Variants in WDR77 observed in about 807,000 individuals in gnomAD.
WDR77 encodes WD repeat domain 77.
In WDR77, 31 loss-of-function variants were observed where a neutral mutation model predicts 44.0. The ratio of observed to expected loss-of-function variants is 0.70; its 90% CI spans 0.53 to 0.95. The LOEUF (loss-of-function observed/expected upper bound fraction) is 0.95, where lower values mean the gene tolerates loss of function less well. Ranked by LOEUF, WDR77 falls within the 40% of genes least tolerant of loss-of-function variation. WDR77 has a pLI of 0.00. For missense variants in WDR77, 390 were observed against 423.9 expected, an observed-to-expected ratio of 0.92 and a Z score of 0.70; for synonymous variants, 186 against 165.7, an observed-to-expected ratio of 1.12 and a Z score of -0.94.
intron 4 of WDR77, among the ~76,000 whole-genome samples, chr1:111,445,468 A>G (rs1652986902): frequency 6.6e-6 from 1 of 152,184 alleles, no homozygotes; most frequent in African/African-American, 2.4e-5. Context: ...TCTACCCTCA[A>G]AGGTTTTGGG....
At chr1:111,446,593 A>G (rs1227481788) in intron 4 of WDR77, among the ~76,000 whole-genome samples, 4 of 152,218 alleles carry the variant, frequency 2.6e-5, no homozygotes, top group Non-Finnish European at 4.4e-5. Flanking sequence ...TTGCTAGTGG[A>G]GAGATGAGTG....
At chr1:111,444,179 G>A in intron 4 of WDR77, 55 bp from the exon 5 acceptor site, 3 of 1,564,676 alleles carry the variant, frequency 1.9e-6, no homozygotes, top group Non-Finnish European at 2.6e-6. Context: ...AGCATTACTA[G>A]AGGGCCAGCC....
At chr1:111,445,226 G>T (rs544805447) in intron 4 of WDR77, among the ~76,000 whole-genome samples, 3 of 152,274 alleles carry the variant, frequency 2.0e-5, no homozygotes, top group Admixed American at 6.5e-5. Context: ...TAGAAGCTGT[G>T]GAAACCTTTT....
intron 8 of WDR77, 179 bp from the exon 9 acceptor site, chr1:111,442,272 G>T: frequency 1.6e-6 from 1 of 639,316 alleles, no homozygotes; most frequent in South Asian, 2.0e-5. Context: ...TGAGGGAAAT[G>T]AAGCAAAGTT....
intron 4 of WDR77, among the ~76,000 whole-genome samples, chr1:111,446,455 C>T (rs1019302909): frequency 6.6e-6 from 1 of 151,620 alleles, no homozygotes; most frequent in East Asian, 1.9e-4. Context: ...ATTTATCCCT[C>T]AAGAATGTCA....
intron 4 of WDR77, 45 bp from the exon 5 acceptor site, chr1:111,444,169 A>G: frequency 6.3e-7 from 1 of 1,595,710 alleles, no homozygotes; most frequent in Non-Finnish European, 8.6e-7. Context: ...AACAAGCTGA[A>G]GCATTACTAG....
intron 4 of WDR77, among the ~76,000 whole-genome samples, chr1:111,445,523 G>C (rs779383039): frequency 6.6e-6 from 1 of 152,184 alleles, no homozygotes; most frequent in Non-Finnish European, 1.5e-5. Flanking sequence ...CACTTTGGGA[G>C]GCCAAGGCAG....
Position 111,441,122 on chromosome 1 carries a change from T to G in WDR77, c.*108A>C. The G allele has an allele frequency of 1.7e-6, 2 of 1,202,454 alleles. No homozygotes were observed. The highest frequency in any genetic ancestry group is 2.2e-6 in the Non-Finnish European group (2 of 916,476). The allele number at this position is 1,202,454 out of a possible 1,614,324, so 74.5% of individuals were successfully genotyped here. A position where few individuals can be genotyped will look rare whatever the true frequency, so the allele number is the denominator to read the frequency against. ...ACGATGCCTATTAACGGCACAGATCTAGCATATCAACATACTATAGAAGGC... is the reference window on the plus strand; with the variant it reads ...ACGATGCCTATTAACGGCACAGATCGAGCATATCAACATACTATAGAAGGC... On this transcript the variant is annotated 3_prime_UTR_variant, in exon 10 of 10. Transcript: ENST00000235090.
At position 111,448,505 on chromosome 1, in the gene WDR77, C is replaced by G. The variant is rs1653149128; in HGVS notation, c.301+114G>C. On this transcript the variant is annotated intron_variant, in intron 2 of 9. Coordinates refer to ENST00000235090, the MANE Select transcript of WDR77 (RefSeq NM_024102.4). Reference sequence around the variant, plus strand: ...CATTCGGGGCCAACACTCTCAGGCTCCTCCAAGCACTGAGTATAGGACGTT... The same window carrying G: ...CATTCGGGGCCAACACTCTCAGGCTGCTCCAAGCACTGAGTATAGGACGTT... 11 of 1,261,840 alleles carry G rather than the reference C, an allele frequency of 8.7e-6. No homozygotes were observed. The South Asian group carries it at 1.3e-4, about 15-fold the overall frequency. The allele number at this position is 1,261,840 out of a possible 1,614,324, so 78.2% of individuals were successfully genotyped here.
In WDR77 at chr1:111,442,096, A is replaced by T; in HGVS notation, c.801-3T>A. 2 of 1,613,846 alleles carry T rather than the reference A, an allele frequency of 1.2e-6. No homozygotes were observed. Among genetic ancestry groups the T allele is most frequent in the Non-Finnish European group, 1.7e-6 (2 of 1,179,762 alleles). ...TGAGAGAGGCCAGGAAGGGAACACT[A>T]TCAGATGGAGGAGAGGGTTGTGAAA... On this transcript the variant is annotated splice_region_variant and splice_polypyrimidine_tract_variant and intron_variant, in intron 8 of 9. Coordinates refer to ENST00000235090, the MANE Select transcript of WDR77 (RefSeq NM_024102.4).
intron 6 of WDR77, 137 bp downstream of exon 6, chr1:111,443,730 A>T: frequency 6.7e-7 from 1 of 1,498,768 alleles, no homozygotes; most frequent in Non-Finnish European, 8.9e-7. Context: ...GCCTCACTGG[A>T]AAAGAAGGAG....
chr1:111,446,621 T>C (rs1571368875), intron 4 of WDR77, among the ~76,000 whole-genome samples: 2 of 152,158 alleles, frequency 1.3e-5, no homozygotes, highest in Middle Eastern at 3.4e-3. Context: ...CTGTGTAAGG[T>C]AAAGCCTGAA....
At chr1:111,448,339 G>T (rs1208385011) in intron 2 of WDR77, among the ~76,000 whole-genome samples, 2 of 152,194 alleles carry the variant, frequency 1.3e-5, no homozygotes, top group African/African-American at 4.8e-5. Context: ...CTTGGTCTGG[G>T]CTGTGGGGGT....
At chr1:111,441,662 G>A in intron 9 of WDR77, 1 of 1,145,730 alleles carries the variant, frequency 8.7e-7, no homozygotes, top group Non-Finnish European at 1.1e-6. Context: ...ACGGCAAGGA[G>A]GGAAGTACAA....
Position 111,447,542 on chromosome 1 carries a change from C to T in WDR77, c.336G>A (p.Glu112=), listed in dbSNP as rs778686848. 1.2e-6 allele frequency: 2 copies of T among 1,614,194 alleles called. No homozygotes were observed. The highest frequency in any genetic ancestry group is 1.7e-6 in the Non-Finnish European group (2 of 1,180,020). Residue 112 remains glutamate (E), a synonymous_variant, in exon 3 of 10, where the codon GAG becomes GAA. Coordinates refer to ENST00000235090, the MANE Select transcript of WDR77 (RefSeq NM_024102.4). ...AVELWELDEN[E]TLIVSKFCKY... ...TGCAGAACTTGCTGACAATAAGTGTCTCATTCTCATCTAGTTCCCACAATT... is the reference window on the plus strand; with the variant it reads ...TGCAGAACTTGCTGACAATAAGTGTTTCATTCTCATCTAGTTCCCACAATT...
chr1:111,442,013 C>G lies in WDR77; in HGVS notation c.869+12G>C. 6.2e-7 allele frequency: 1 copy of G among 1,613,426 alleles called. No homozygotes were observed. Among genetic ancestry groups the G allele is most frequent in the Non-Finnish European group, 8.5e-7 (1 of 1,179,494 alleles). The stretch of plus-strand genomic sequence containing the variant: ...CTTCCCTGATTCCCAAAGGATTCCA[C>G]TTCACACTTACAACTCAGAAAGGCT... On this transcript the variant is annotated intron_variant, in intron 9 of 9. Transcript: ENST00000235090.
intron 5 of WDR77, 45 bp from the exon 6 acceptor site, chr1:111,443,966 G>A (rs1471862874): frequency 1.2e-6 from 2 of 1,613,624 alleles, no homozygotes; most frequent in Admixed American, 1.7e-5. Context: ...ATCCAAAGGA[G>A]CAGTTGCAGG....
chr1:111,445,709 A>T (rs976691563), intron 4 of WDR77, among the ~76,000 whole-genome samples: 1 of 152,280 alleles, frequency 6.6e-6, no homozygotes, highest in Admixed American at 6.5e-5. Flanking sequence ...AGTTAGCATT[A>T]ACCAGGAAAG....
chr1:111,440,198 A>G lies in WDR77; in HGVS notation c.*1032T>C, dbSNP rs2101737844. 6.6e-6 allele frequency: 1 copy of G among 152,384 alleles called. No individual in the cohort carries two copies. The highest frequency in any genetic ancestry group is 2.4e-5 in the African/African-American group (1 of 41,590). 9.4% of individuals were successfully genotyped at this position (152,384 alleles called of 1,614,324 possible). A position where few individuals can be genotyped will look rare whatever the true frequency, so the allele number is the denominator to read the frequency against. ...CACAGGAAAAATAATGGGCTACAAG[A>G]CCAACACCATGATGACTCACATAAG... is the stretch of plus-strand genomic sequence containing the variant. On this transcript the variant is annotated 3_prime_UTR_variant, in exon 10 of 10. Coordinates refer to ENST00000235090, the MANE Select transcript of WDR77 (RefSeq NM_024102.4).
Sources: allele counts gnomAD v4.1 joint callset (sites outside exome capture counted in the v4.1 genomes callset), GRCh38; gene constraint gnomAD v4.1.1; transcripts MANE v1.5; gene names NCBI Gene and HGNC (gene_info 2026-07-23, HGNC 2026-07-21).